NFKBID: variants seen among roughly 807,000 people sequenced by gnomAD.
NFKBID encodes the protein NFKB inhibitor delta.
In NFKBID, 26 loss-of-function variants were observed where a neutral mutation model predicts 53.4. That is an observed-to-expected ratio of 0.49 (90% confidence interval 0.36 to 0.68). NFKBID has a LOEUF of 0.68. NFKBID is among the 30% of genes least tolerant of loss of function. The pLI, the probability that NFKBID is intolerant of heterozygous loss-of-function variation, is 0.00. For missense variants in NFKBID, 493 were observed against 614.1 expected (o/e 0.80, Z 2.08); for synonymous variants, 262 against 259.8 (o/e 1.01, Z -0.08).
intron 10 of NFKBID, 25 bp from the exon 11 acceptor site, chr19:35,890,079 TG>T: frequency 5.1e-6 from 8 of 1,582,454 alleles, no homozygotes; most frequent in Non-Finnish European, 6.8e-6. Flanking sequence ...GGAGGGCTGG[TG>T]GGGATCTGGG....
intron 9 of NFKBID, among the ~76,000 whole-genome samples, chr19:35,892,049 A>ATTG (rs769378379): frequency 4.6e-5 from 7 of 150,890 alleles, no homozygotes; most frequent in East Asian, 2.0e-4. Flanking sequence ...ATCTTTTATT[A>ATTG]TTGTTGTTGT....
Position 35,890,110 on chromosome 19 carries a change from T to C in NFKBID, c.1150-56A>G, listed in dbSNP as rs1346249620. 18 of 1,499,476 alleles carry C rather than the reference T, an allele frequency of 1.2e-5. No homozygotes were observed. In the East Asian group the frequency reaches 4.2e-4, roughly 35 times the overall value. 92.9% of individuals were successfully genotyped at this position (1,499,476 alleles called of 1,614,324 possible). The stretch of plus-strand genomic sequence containing the variant: ...TCTGGGCTCAGCTGGCCCAGGCCTC[T>C]AAACTGCACTTCAATTTCTGCCTTG... On this transcript the variant is annotated intron_variant, in intron 10 of 11. Coordinates refer to ENST00000641389, the Ensembl canonical transcript of NFKBID.
exon 10 of NFKBID, chr19:35,890,455 G>A (rs754490767): frequency 9.9e-6 from 16 of 1,613,864 alleles, no homozygotes; most frequent in South Asian, 8.8e-5. Context: ...CAGCCTGCAC[G>A]GCCAAGTGCA....
At chr19:35,898,618 G>A (rs565098282) in intron 2 of NFKBID, 86 bp from the exon 3 acceptor site, 1,113 of 1,408,694 alleles carry the variant, frequency 7.9e-4, no homozygotes, top group Non-Finnish European at 1.0e-3. Flanking sequence ...AGACATTTCG[G>A]TCAGGACCAC....
Position 35,899,929 on chromosome 19 carries a change from C to A in NFKBID, c.61+513G>T, listed in dbSNP as rs528523711. On this transcript the variant is annotated intron_variant, in intron 1 of 11. Coordinates refer to ENST00000641389, the Ensembl canonical transcript of NFKBID. ...TCGTGGCGCTCGTGGAATCCCCGCGCAAGGGGAATTCCTGCTCAGCCCCGC... is the reference window on the plus strand; with the variant it reads ...TCGTGGCGCTCGTGGAATCCCCGCGAAAGGGGAATTCCTGCTCAGCCCCGC... Among the ~76,000 whole-genome samples the A allele has an allele frequency of 1.5e-4, 23 of 152,176 alleles. No homozygotes were observed. In the East Asian group the frequency reaches 4.3e-3, roughly 28 times the overall value.
At chr19:35,898,945 CA>C (rs1203028822) in intron 1 of NFKBID, 123 bp from the exon 2 acceptor site, 1 of 660,976 alleles carries the variant, frequency 1.5e-6, no homozygotes, top group Non-Finnish European at 2.6e-6. Context: ...AAAACTGGCA[CA>C]TAGATGCCGC....
At chr19:35,900,788 C>G (rs1201814378), upstream of NFKBID, 1 of 404,302 alleles carries the variant, frequency 2.5e-6, no homozygotes, top group Non-Finnish European at 4.2e-6. Context: ...AACCGGGGGG[C>G]CTGGATTTCT....
intron 9 of NFKBID, among the ~76,000 whole-genome samples, chr19:35,891,253 TC>T (rs1459063821): frequency 2.6e-5 from 4 of 152,230 alleles, no homozygotes; most frequent in Non-Finnish European, 5.9e-5. Flanking sequence ...AAAGACATTT[TC>T]TAAAATGAAA....
At chr19:35,890,532 C>G (rs1347593773) in intron 9 of NFKBID, 42 bp from the exon 10 acceptor site, 2 of 1,327,900 alleles carry the variant, frequency 1.5e-6, no homozygotes, top group Admixed American at 3.4e-5. Flanking sequence ...CAGCCTCACA[C>G]CTAGGTGCCC....
chr19:35,890,072 G>C lies in NFKBID; in HGVS notation c.1150-18C>G. ...CCGTGGGCCTGGAAAAGTAAGGGGA[G>C]GGCTGGTGGGGATCTGGGCTCAGCT... On this transcript the variant is annotated intron_variant, in intron 10 of 11. Coordinates refer to ENST00000641389, the Ensembl canonical transcript of NFKBID. The C allele has an allele frequency of 6.3e-7, 1 of 1,586,686 alleles. No individual in the cohort carries two copies. Among genetic ancestry groups the C allele is most frequent in the Non-Finnish European group, 8.5e-7 (1 of 1,172,194 alleles).
chr19:35,890,655 G>C (rs779131659), intron 9 of NFKBID, 165 bp from the exon 10 acceptor site: 361 of 704,650 alleles, frequency 5.1e-4, no homozygotes, highest in Non-Finnish European at 8.9e-4. Context: ...CTTGAGGCCA[G>C]GAGCTGCAGA....
intron 9 of NFKBID, among the ~76,000 whole-genome samples, chr19:35,891,265 C>G (rs1599601929): frequency 6.6e-6 from 1 of 152,128 alleles, no homozygotes; most frequent in Non-Finnish European, 1.5e-5. Flanking sequence ...TAAAATGAAA[C>G]CTTTTTATGT....
intron 9 of NFKBID, among the ~76,000 whole-genome samples, chr19:35,891,884 T>C (rs58291714): frequency 0.099 from 14,880 of 150,998 alleles, 1,454 homozygotes; most frequent in African/African-American, 0.26. Context: ...AAAAGCTATG[T>C]TTTTTGTTTG....
chr19:35,898,896 G>A, intron 1 of NFKBID, 74 bp from the exon 2 acceptor site: 1 of 1,246,962 alleles, frequency 8.0e-7, no homozygotes, highest in Non-Finnish European at 1.1e-6. Context: ...TGGCGCGCGG[G>A]GAGTGGGTTT....
exon 10 of NFKBID, chr19:35,890,406 G>T (rs774438972): frequency 6.2e-7 from 1 of 1,613,316 alleles, no homozygotes; most frequent in Non-Finnish European, 8.5e-7. Flanking sequence ...AGGTCTCCCC[G>T]GGGCAGCTCC....
At chr19:35,897,982 G>A (rs957867689) in intron 3 of NFKBID, 126 bp from the exon 4 acceptor site, 7 of 644,830 alleles carry the variant, frequency 1.1e-5, no homozygotes, top group South Asian at 9.5e-5. Context: ...CCAAGCTCCC[G>A]GGACCTGGAT....
At chr19:35,901,197 C>T (rs1975552401), upstream of NFKBID, among the ~76,000 whole-genome samples, 1 of 149,518 alleles carries the variant, frequency 6.7e-6, no homozygotes, top group Admixed American at 6.7e-5. Flanking sequence ...GGGTCCTGCC[C>T]ATGGGGGTAG....
chr19:35,899,247 A>C (rs1188253887), intron 1 of NFKBID, among the ~76,000 whole-genome samples: 1 of 152,050 alleles, frequency 6.6e-6, no homozygotes, highest in Non-Finnish European at 1.5e-5. Flanking sequence ...CCTGACCCGG[A>C]AATCAGGAGT....
At chr19:35,891,578 C>CT (rs35261911) in intron 9 of NFKBID, among the ~76,000 whole-genome samples, 69 of 151,876 alleles carry the variant, frequency 4.5e-4, no homozygotes, top group African/African-American at 1.6e-3. Flanking sequence ...TTAAAAAGTT[C>CT]TTTTTTTTCG....
Sources: allele counts gnomAD v4.1 joint callset (sites outside exome capture counted in the v4.1 genomes callset), GRCh38; gene constraint gnomAD v4.1.1; transcripts MANE v1.5; gene names NCBI Gene and HGNC (gene_info 2026-07-23, HGNC 2026-07-21).